The following LEPR variants were observed in gnomAD, a reference collection of about 807,000 sequenced individuals.
LEPR encodes the protein OB receptor.
In LEPR, 56 loss-of-function variants were observed where a neutral mutation model predicts 114.7. The ratio of observed to expected loss-of-function variants is 0.49; its 90% confidence interval spans 0.39 to 0.61. The LOEUF is 0.61. Among genes scored for constraint, LEPR ranks in the 20% least tolerant of loss-of-function variants. The pLI, the probability that LEPR is intolerant of heterozygous loss-of-function variation, is 0.00. For missense variants in LEPR, 1,202 were observed against 1,352.9 expected, an observed-to-expected ratio of 0.89 and a Z score of 1.75; for synonymous variants, 443 against 461.4, an observed-to-expected ratio of 0.96 and a Z score of 0.51.
At chr1:65,458,054 G>A (rs1262111700) in intron 2 of LEPR, among the ~76,000 whole-genome samples, 1 of 152,224 alleles carries the variant, frequency 6.6e-6, no homozygotes, top group Non-Finnish European at 1.5e-5. Flanking sequence ...TGCCAACAAT[G>A]TGATACTGGA....
At chr1:65,542,794 C>T (rs1477700885) in intron 2 of LEPR, among the ~76,000 whole-genome samples, 1 of 151,950 alleles carries the variant, frequency 6.6e-6, no homozygotes, top group Non-Finnish European at 1.5e-5. Flanking sequence ...GATATGAACT[C>T]ATCCTTTTTT....
At chr1:65,606,044 T>C (rs2100952377) in intron 11 of LEPR, among the ~76,000 whole-genome samples, 1 of 152,298 alleles carries the variant, frequency 6.6e-6, no homozygotes, top group South Asian at 2.1e-4. Context: ...AAAATATTAA[T>C]ATATACTATT....
At position 65,570,559 on chromosome 1, in the gene LEPR, A is replaced by G. The variant is rs766062837; in HGVS notation, c.127A>G (p.Thr43Ala). ...GTTGTCTTGCATGCCACCAAATTCA[A>G]CCTATGACTACTTCCTTTTGCCTGC... ...FKLSCMPPNS[T>A]YDYFLLPAGL... The change falls in exon 4 of 20, where the codon ACC becomes GCC. Residue 43 changes from threonine (T) to alanine (A), a missense_variant. By Grantham distance (58) the Thr-to-Ala change is moderately conservative (BLOSUM62 0). Transcript: ENST00000349533. 1.7e-5 allele frequency: 28 copies of G among 1,613,918 alleles called. No individual in the cohort carries two copies. Among genetic ancestry groups the G allele is most frequent in the Middle Eastern group, 3.3e-4 (2 of 6,080 alleles).
In LEPR at chr1:65,466,996, A is replaced by T. The variant is rs1647022165; in HGVS notation, c.-21+41618A>T. On this transcript the variant is annotated intron_variant, in intron 2 of 19. Coordinates refer to ENST00000349533, the MANE Select transcript of LEPR (RefSeq NM_002303.6). The stretch of plus-strand genomic sequence containing the variant: ...AGAACATGCTGCTTTAGCTCGGGGA[A>T]GTTTGTTATTACCGACCTTCTGAAG... 4.6e-5 allele frequency among the ~76,000 whole-genome samples: 7 copies of T among 152,200 alleles called. No individual in the cohort carries two copies. The South Asian group carries it at 1.5e-3, about 32-fold the overall frequency.
At chr1:65,425,478 C>A in intron 2 of LEPR, 100 bp downstream of exon 2, 1 of 991,824 alleles carries the variant, frequency 1.0e-6, no homozygotes. Context: ...CAAGTTCTAA[C>A]CAGTGAGTTA....
intron 2 of LEPR, among the ~76,000 whole-genome samples, chr1:65,500,184 A>G (rs1393055692): frequency 6.6e-6 from 1 of 152,046 alleles, no homozygotes; most frequent in African/African-American, 2.4e-5. Context: ...CTCCTCAGCC[A>G]TGTGGAACTG....
Position 65,605,179 on chromosome 1 carries a change from C to A in LEPR, c.1545C>A (p.Ile515=). 1 of 1,614,104 alleles carries A rather than the reference C, an allele frequency of 6.2e-7. No homozygotes were observed. Among genetic ancestry groups the A allele is most frequent in the East Asian group, 2.2e-5 (1 of 44,862 alleles). The change falls in exon 11 of 20, where the codon ATC becomes ATA. Residue 515 remains isoleucine (I), a synonymous_variant. Coordinates refer to ENST00000349533, the MANE Select transcript of LEPR (RefSeq NM_002303.6). Reference sequence around the variant, plus strand: ...CTGGCTACACAATGTGGATTAGGATCAATCACTCTCTAGGTTCACTTGACT... The same window carrying A: ...CTGGCTACACAATGTGGATTAGGATAAATCACTCTCTAGGTTCACTTGACT... The part of the protein sequence containing the change: ...LLSGYTMWIR[I]NHSLGSLDSP...
intron 5 of LEPR, among the ~76,000 whole-genome samples, chr1:65,585,003 A>G (rs1167214312): frequency 2.0e-5 from 3 of 152,040 alleles, no homozygotes; most frequent in Non-Finnish European, 4.4e-5. Flanking sequence ...GTGGAACTAG[A>G]TTGCTTGCAT....
At chr1:65,556,565 CTCAG>C (rs1652829051) in intron 2 of LEPR, among the ~76,000 whole-genome samples, 1 of 152,146 alleles carries the variant, frequency 6.6e-6, no homozygotes, top group Non-Finnish European at 1.5e-5. Flanking sequence ...TCACCAAATT[CTCAG>C]TCAGGTCCAT....
At chr1:65,494,408 T>A (rs1222718787) in intron 2 of LEPR, among the ~76,000 whole-genome samples, 1 of 152,126 alleles carries the variant, frequency 6.6e-6, no homozygotes, top group Non-Finnish European at 1.5e-5. Context: ...CTTACGTCTC[T>A]TATAGTCACC....
intron 2 of LEPR, among the ~76,000 whole-genome samples, chr1:65,540,888 A>G (rs78639398): frequency 0.064 from 9,716 of 152,214 alleles, 505 homozygotes; most frequent in South Asian, 0.27. Context: ...CTAGAGTACA[A>G]TGGTGCAATT....
At chr1:65,440,427 T>G in intron 2 of LEPR, among the ~76,000 whole-genome samples, 1 of 151,074 alleles carries the variant, frequency 6.6e-6, no homozygotes, top group Non-Finnish European at 1.5e-5. Flanking sequence ...GGTATGTTAG[T>G]GGAAATGCTA....
chr1:65,529,136 G>C (rs180784269), intron 2 of LEPR, among the ~76,000 whole-genome samples: 1 of 151,926 alleles, frequency 6.6e-6, no homozygotes, highest in Non-Finnish European at 1.5e-5. Flanking sequence ...ATATGATTAT[G>C]GTAGGCATTA....
At chr1:65,506,835 G>A (rs7516904) in intron 2 of LEPR, among the ~76,000 whole-genome samples, 101,560 of 151,864 alleles carry the variant, frequency 0.67, 34,978 homozygotes, top group Middle Eastern at 0.86. Flanking sequence ...TTTGAAATAT[G>A]CAATACATTA....
At chr1:65,433,647 A>G (rs1646518739) in intron 2 of LEPR, 2 of 985,326 alleles carry the variant, frequency 2.0e-6, no homozygotes, top group South Asian at 4.7e-5. Context: ...TCATGATTTT[A>G]TGTTTTCAGT....
chr1:65,502,099 T>C (rs1473366642), intron 2 of LEPR, among the ~76,000 whole-genome samples: 1 of 152,152 alleles, frequency 6.6e-6, no homozygotes, highest in East Asian at 1.9e-4. Flanking sequence ...ATTCCCCAAA[T>C]TTCTATGTTG....
intron 5 of LEPR, among the ~76,000 whole-genome samples, chr1:65,592,405 A>G (rs1655764956): frequency 6.6e-6 from 1 of 151,404 alleles, no homozygotes; most frequent in South Asian, 2.1e-4. Flanking sequence ...ATAGGATTTT[A>G]GAATTGCAGT....
intron 1 of LEPR, 51 bp from the exon 2 acceptor site, chr1:65,425,252 C>T: frequency 6.6e-7 from 1 of 1,521,918 alleles, no homozygotes; most frequent in Non-Finnish European, 9.1e-7. Flanking sequence ...CCCTCTAGTG[C>T]CTGACAACCT....
intron 2 of LEPR, among the ~76,000 whole-genome samples, chr1:65,523,029 G>A (rs544819504): frequency 6.6e-6 from 1 of 152,210 alleles, no homozygotes; most frequent in African/African-American, 2.4e-5. Flanking sequence ...ACCCAATATT[G>A]TGCCAGGTGA....
Sources: gnomAD v4.1 joint callset for allele counts (sites outside exome capture counted in the v4.1 genomes callset) on GRCh38, gnomAD v4.1.1 for gene constraint, MANE v1.5 for transcripts, NCBI Gene and HGNC (gene_info 2026-07-23, HGNC 2026-07-21) for gene names.